Variants in IL20RA observed in about 807,000 individuals in gnomAD.
The protein encoded by IL20RA is interleukin 20 receptor subunit alpha.
IL20RA carries 29 observed loss-of-function variants against 36.5 expected under a neutral mutation model. The observed-to-expected ratio is 0.79, with a 90% CI of 0.59 to 1.08. The LOEUF is 1.08. Ranked by LOEUF, IL20RA falls within the 50% of genes least tolerant of loss-of-function variation. The pLI is 0.00. For missense variants in IL20RA, 652 were observed against 668.4 expected, an observed-to-expected ratio of 0.98 and a Z score of 0.27; for synonymous variants, 279 against 267.1, an observed-to-expected ratio of 1.04 and a Z score of -0.43.
chr6:137,026,323 G>T (rs1028341204), intron 1 of IL20RA, among the ~76,000 whole-genome samples: 12 of 152,114 alleles, frequency 7.9e-5, no homozygotes, highest in African/African-American at 2.9e-4. Context: ...GAACTCTTCG[G>T]GCTGACATAA....
At position 137,001,342 on chromosome 6, in the gene IL20RA, C is replaced by T. The variant is rs749774468; in HGVS notation, c.*216G>A. 2 of 427,080 alleles carry T rather than the reference C, an allele frequency of 4.7e-6. No homozygotes were observed. The highest frequency in any genetic ancestry group is 8.2e-6 in the Non-Finnish European group (2 of 243,002). 26.5% of individuals were successfully genotyped at this position (427,080 alleles called of 1,614,324 possible). On this transcript the variant is annotated 3_prime_UTR_variant, in exon 7 of 7. Transcript: ENST00000316649. ...TTCTCTGCATAGAACAACCGGCCAG[C>T]CCCTGGACTCCAGAGGCCCACCATC...
At chr6:137,013,786 G>T (rs1489348833) in intron 2 of IL20RA, among the ~76,000 whole-genome samples, 1 of 152,260 alleles carries the variant, frequency 6.6e-6, no homozygotes, top group Non-Finnish European at 1.5e-5. Context: ...ATGAACTGGG[G>T]ACTGTCTGAC....
chr6:137,029,946 A>AG (rs1381681014), intron 1 of IL20RA, among the ~76,000 whole-genome samples: 1 of 151,648 alleles, frequency 6.6e-6, no homozygotes, highest in Non-Finnish European at 1.5e-5. Context: ...AAAGGTAAAA[A>AG]AAAATGAGGC....
rs751824156 is a variant in IL20RA at position 137,011,295 on chromosome 6, G to A, written c.382C>T (p.Arg128Trp). 27 of 1,611,010 alleles carry A rather than the reference G, an allele frequency of 1.7e-5. No individual in the cohort carries two copies. The highest frequency in any genetic ancestry group is 4.4e-5 in the South Asian group (4 of 90,824). ...TTACTTTCTAAAAAAGGATAGAACC[G>A]TCCACTTTCAGCCCATTTGGAACAC... is the stretch of plus-strand genomic sequence containing the variant. Reference protein sequence around the residue: ...TKCSKWAESGRFYPFLETQIG... With the variant: ...TKCSKWAESGWFYPFLETQIG... The change falls in exon 3 of 7, where the codon CGG becomes TGG. Residue 128 changes from arginine (R) to tryptophan (W), a missense_variant. Coordinates refer to ENST00000316649, the MANE Select transcript of IL20RA (RefSeq NM_014432.4).
At chr6:137,030,007 G>A (rs144495720) in intron 1 of IL20RA, among the ~76,000 whole-genome samples, 1 of 147,104 alleles carries the variant, frequency 6.8e-6, no homozygotes, top group East Asian at 2.0e-4. Context: ...GAGAAAGGGA[G>A]GAAAATAGAG....
chr6:137,028,102 C>T (rs773100145), intron 1 of IL20RA, among the ~76,000 whole-genome samples: 1 of 152,084 alleles, frequency 6.6e-6, no homozygotes. Context: ...ATGATAGGCA[C>T]GGGGGTACAG....
intron 1 of IL20RA, among the ~76,000 whole-genome samples, chr6:137,020,612 G>A (rs6927121): frequency 0.086 from 12,984 of 151,704 alleles, 1,854 homozygotes; most frequent in African/African-American, 0.3. Flanking sequence ...AAAACTACCC[G>A]AGGAGAAGAC....
intron 1 of IL20RA, among the ~76,000 whole-genome samples, chr6:137,030,382 G>A (rs990508686): frequency 8.5e-5 from 13 of 152,114 alleles, no homozygotes; most frequent in South Asian, 2.1e-4. Flanking sequence ...CACCATGCTC[G>A]GCCACCAGTT....
intron 3 of IL20RA, among the ~76,000 whole-genome samples, chr6:137,009,787 G>A (rs535446823): frequency 6.6e-6 from 1 of 152,008 alleles, no homozygotes; most frequent in East Asian, 1.9e-4. Flanking sequence ...TGTATTTTTA[G>A]TAGAGACGGG....
intron 2 of IL20RA, among the ~76,000 whole-genome samples, chr6:137,013,664 T>C (rs1562233255): frequency 6.6e-6 from 1 of 152,192 alleles, no homozygotes. Context: ...GCATTAATTG[T>C]TTTGGTGGAT....
chr6:137,006,506 A>G (rs946242593), intron 5 of IL20RA, among the ~76,000 whole-genome samples: 1 of 152,232 alleles, frequency 6.6e-6, no homozygotes, highest in African/African-American at 2.4e-5. Context: ...ACCCATGTTT[A>G]TTACAACAAA....
intron 5 of IL20RA, among the ~76,000 whole-genome samples, chr6:137,006,277 T>C (rs538856718): frequency 2.6e-5 from 4 of 152,314 alleles, no homozygotes; most frequent in Admixed American, 2.0e-4. Flanking sequence ...TGCGGGCCTG[T>C]TACCCTGCAC....
At chr6:137,014,348 T>G (rs1775598947) in intron 2 of IL20RA, among the ~76,000 whole-genome samples, 1 of 152,140 alleles carries the variant, frequency 6.6e-6, no homozygotes, top group Admixed American at 6.5e-5. Flanking sequence ...CCTGGAACAT[T>G]TGGTGTGTAT....
Position 137,016,956 on chromosome 6 carries a change from G to T in IL20RA, c.224+12C>A. ...GTTTGTAAGCTAGCCAAAAGGAAAA[G>T]AAGAAACTTACATGAAATACTGCAC... On this transcript the variant is annotated intron_variant, in intron 2 of 6. Coordinates refer to ENST00000316649, the MANE Select transcript of IL20RA (RefSeq NM_014432.4). 6.2e-7 allele frequency: 1 copy of T among 1,611,896 alleles called. No individual in the cohort carries two copies. The highest frequency in any genetic ancestry group is 1.7e-4 in the Middle Eastern group (1 of 5,994).
At chr6:137,011,889 CAT>C (rs1261585292) in intron 2 of IL20RA, among the ~76,000 whole-genome samples, 1 of 152,036 alleles carries the variant, frequency 6.6e-6, no homozygotes, top group African/African-American at 2.4e-5. Context: ...GTTCTCATAG[CAT>C]ATAAAAATCT....
chr6:137,008,557 C>T, intron 5 of IL20RA, 42 bp downstream of exon 5: 1 of 1,530,308 alleles, frequency 6.5e-7, no homozygotes. Flanking sequence ...CTAGTTTTAG[C>T]AGATCTCCTT....
chr6:137,005,066 G>T (rs185559882), intron 5 of IL20RA, among the ~76,000 whole-genome samples: 86 of 152,296 alleles, frequency 5.6e-4, no homozygotes, highest in Non-Finnish European at 4.6e-4. Context: ...CTGGCTATGA[G>T]ATTCATGCAG....
In IL20RA at chr6:137,028,816, T is replaced by G. The variant is rs139957334; in HGVS notation, c.89-11713A>C. Among the ~76,000 whole-genome samples, 1,178 of 152,046 alleles carry G rather than the reference T, an allele frequency of 7.7e-3. 4 individuals carry two copies. Among genetic ancestry groups the G allele is most frequent in the Non-Finnish European group, 0.012 (788 of 67,992 alleles). On this transcript the variant is annotated intron_variant, in intron 1 of 6. Transcript: ENST00000316649. ...TCATGGCATTTGAGGGATGTTTCCTTTCAGCTACAATTATCTTCAGAAGTA... is the reference window on the plus strand; with the variant it reads ...TCATGGCATTTGAGGGATGTTTCCTGTCAGCTACAATTATCTTCAGAAGTA...
At chr6:137,009,008 C>G (rs1226965617) in intron 4 of IL20RA, 16 of 556,470 alleles carry the variant, frequency 2.9e-5, no homozygotes, top group Non-Finnish European at 5.0e-5. Context: ...GTCCTGGGTC[C>G]TTGCTCACAT....
Sources: gnomAD v4.1 joint callset for allele counts (sites outside exome capture counted in the v4.1 genomes callset) on GRCh38, gnomAD v4.1.1 for gene constraint, MANE v1.5 for transcripts, NCBI Gene and HGNC (gene_info 2026-07-23, HGNC 2026-07-21) for gene names.